The following ADGRL3 variants were observed in gnomAD, a reference collection of about 807,000 sequenced individuals.
The protein encoded by ADGRL3 is adhesion G protein-coupled receptor L3.
In ADGRL3, 62 loss-of-function variants were observed where a neutral mutation model predicts 153.5. The ratio of observed to expected loss-of-function variants is 0.40; its 90% CI spans 0.33 to 0.50. The LOEUF is 0.50. Among genes scored for constraint, ADGRL3 ranks in the 20% least tolerant of loss-of-function variants. The pLI is 0.47. For synonymous variants in ADGRL3, 710 were observed against 672.5 expected (o/e 1.06, Z -0.86); for missense variants, 1,641 against 1,859.4 (o/e 0.88, Z 2.16).
At chr4:61,292,547 T>G (rs1232837108) in intron 1 of ADGRL3, among the ~76,000 whole-genome samples, 1 of 152,184 alleles carries the variant, frequency 6.6e-6, no homozygotes, top group African/African-American at 2.4e-5. Flanking sequence ...ATTCATAATT[T>G]GGACTTTAAC....
At chr4:61,246,283 G>A (rs1444130792) in intron 1 of ADGRL3, among the ~76,000 whole-genome samples, 1 of 152,038 alleles carries the variant, frequency 6.6e-6, no homozygotes, top group African/African-American at 2.4e-5. Context: ...TAGCCCAGCT[G>A]CTATCTATCT....
At chr4:61,680,558 CAG>C (rs1350133831) in intron 6 of ADGRL3, among the ~76,000 whole-genome samples, 1 of 151,586 alleles carries the variant, frequency 6.6e-6, no homozygotes, top group African/African-American at 2.4e-5. Flanking sequence ...GTAATATAGA[CAG>C]AGTCAATAAA....
chr4:61,817,629 C>T (rs80110080), intron 9 of ADGRL3, among the ~76,000 whole-genome samples: 16,062 of 152,056 alleles, frequency 0.11, 917 homozygotes, highest in Middle Eastern at 0.14. Context: ...TTAGTTTGTT[C>T]TCACTCTGCC....
intron 6 of ADGRL3, among the ~76,000 whole-genome samples, chr4:61,690,699 CT>C (rs559817133): frequency 6.7e-5 from 10 of 148,852 alleles, no homozygotes; most frequent in East Asian, 5.9e-4. Flanking sequence ...ACAAGGCTTC[CT>C]TTTTTTTTTC....
At chr4:61,930,200 G>T (rs976001634) in intron 13 of ADGRL3, among the ~76,000 whole-genome samples, 2 of 151,476 alleles carry the variant, frequency 1.3e-5, no homozygotes, top group Non-Finnish European at 2.9e-5. Flanking sequence ...AAAATGCCAT[G>T]GTGGTAAAGT....
chr4:61,453,359 C>A (rs1209662117), intron 2 of ADGRL3, among the ~76,000 whole-genome samples: 2 of 152,072 alleles, frequency 1.3e-5, no homozygotes, highest in African/African-American at 2.4e-5. Context: ...TAATTACATT[C>A]TCAATTCTTT....
intron 2 of ADGRL3, among the ~76,000 whole-genome samples, chr4:61,448,794 AGGAGGGAGGAAG>A (rs56206584): frequency 3.0e-5 from 4 of 132,452 alleles, no homozygotes; most frequent in South Asian, 2.6e-4. Context: ...GAGGGAGGGT[AGGAGGGAGGAAG>A]GGAGGGAAGG....
intron 25 of ADGRL3, among the ~76,000 whole-genome samples, chr4:62,054,579 G>C (rs966582687): frequency 3.3e-5 from 5 of 151,536 alleles, no homozygotes; most frequent in African/African-American, 1.2e-4. Flanking sequence ...TTATAGTTCA[G>C]ATTTTAGATT....
At chr4:61,955,396 A>G (rs1481151800) in intron 17 of ADGRL3, among the ~76,000 whole-genome samples, 1 of 152,216 alleles carries the variant, frequency 6.6e-6, no homozygotes, top group East Asian at 1.9e-4. Flanking sequence ...TAAATTAATT[A>G]AGATACATAT....
At chr4:61,449,441 T>G (rs563903596) in intron 2 of ADGRL3, among the ~76,000 whole-genome samples, 1 of 152,152 alleles carries the variant, frequency 6.6e-6, no homozygotes, top group African/African-American at 2.4e-5. Context: ...GGCCTATTTT[T>G]TCCATTTTTT....
chr4:61,239,711 T>A (rs1010991879), intron 1 of ADGRL3, among the ~76,000 whole-genome samples: 1 of 151,704 alleles, frequency 6.6e-6, no homozygotes, highest in Admixed American at 6.6e-5. Flanking sequence ...TCTATGAGAG[T>A]TTAAGTGGTG....
chr4:61,665,359 C>T (rs1282908806), intron 5 of ADGRL3, among the ~76,000 whole-genome samples: 3 of 151,954 alleles, frequency 2.0e-5, no homozygotes, highest in Non-Finnish European at 4.4e-5. Flanking sequence ...TGCAGTGAGC[C>T]GAGATTGCAC....
chr4:61,746,163 T>C (rs1412264602), intron 8 of ADGRL3, among the ~76,000 whole-genome samples: 1 of 152,184 alleles, frequency 6.6e-6, no homozygotes, highest in Admixed American at 6.5e-5. Context: ...CTAACTATCC[T>C]AAATATATAT....
At chr4:61,755,001 T>G (rs983418752) in intron 8 of ADGRL3, among the ~76,000 whole-genome samples, 1 of 152,226 alleles carries the variant, frequency 6.6e-6, no homozygotes, top group Non-Finnish European at 1.5e-5. Flanking sequence ...TGCCACATTT[T>G]CTTAATCCAG....
intron 17 of ADGRL3, among the ~76,000 whole-genome samples, chr4:61,951,813 T>C (rs1484279620): frequency 6.6e-6 from 1 of 152,060 alleles, no homozygotes; most frequent in African/African-American, 2.4e-5. Flanking sequence ...TGCAGTGAGC[T>C]GAGATCAACC....
At chr4:61,829,981 A>G (rs1901222) in intron 9 of ADGRL3, among the ~76,000 whole-genome samples, 59,661 of 151,738 alleles carry the variant, frequency 0.39, 12,645 homozygotes, top group East Asian at 0.62. Context: ...GGCCAGGGCA[A>G]CATAACAAGT....
intron 9 of ADGRL3, among the ~76,000 whole-genome samples, chr4:61,872,149 G>A (rs1312178073): frequency 6.6e-6 from 1 of 152,152 alleles, no homozygotes; most frequent in Admixed American, 6.5e-5. Flanking sequence ...GTCTCAAGCA[G>A]CCTGGTTTGT....
chr4:61,717,335 C>T (rs1364220327), intron 6 of ADGRL3, among the ~76,000 whole-genome samples: 2 of 151,840 alleles, frequency 1.3e-5, no homozygotes, highest in African/African-American at 4.8e-5. Context: ...AATAGGGCAT[C>T]GGAATTGTGC....
intron 19 of ADGRL3, among the ~76,000 whole-genome samples, chr4:61,988,726 G>A (rs1440197549): frequency 6.6e-6 from 1 of 152,078 alleles, no homozygotes; most frequent in East Asian, 1.9e-4. Flanking sequence ...AAAAGCAGTG[G>A]ATTGGAAGAA....
Sources: gnomAD v4.1 joint callset for allele counts (sites outside exome capture counted in the v4.1 genomes callset) on GRCh38, gnomAD v4.1.1 for gene constraint, MANE v1.5 for transcripts, NCBI Gene and HGNC (gene_info 2026-07-23, HGNC 2026-07-21) for gene names.